PTPRN2: variants seen among roughly 807,000 people sequenced by gnomAD.
The protein encoded by PTPRN2 is protein tyrosine phosphatase receptor type N2.
In PTPRN2, 74 loss-of-function variants were observed where a neutral mutation model predicts 118.8. That is an observed-to-expected ratio of 0.62 (90% CI 0.52 to 0.76). PTPRN2 has a LOEUF of 0.76. Among genes scored for constraint, PTPRN2 ranks in the 30% least tolerant of loss-of-function variants. PTPRN2 has a pLI of 0.00. For synonymous variants in PTPRN2, 641 were observed against 608.0 expected (o/e 1.05, Z -0.80); for missense variants, 1,481 against 1,394.4 (o/e 1.06, Z -0.99).
intron 12 of PTPRN2, among the ~76,000 whole-genome samples, chr7:157,714,180 T>G (rs1563029000): frequency 6.6e-6 from 1 of 152,200 alleles, no homozygotes; most frequent in Admixed American, 6.5e-5. Flanking sequence ...TAGAAGGCTA[T>G]GAAAAATTAA....
At chr7:158,188,154 C>T (rs1825338414) in intron 5 of PTPRN2, among the ~76,000 whole-genome samples, 1 of 151,950 alleles carries the variant, frequency 6.6e-6, no homozygotes, top group Admixed American at 6.6e-5. Flanking sequence ...ACGCTCGCCC[C>T]CTGTACTGGG....
chr7:158,392,241 G>A (rs1811985060), intron 2 of PTPRN2, among the ~76,000 whole-genome samples: 1 of 152,202 alleles, frequency 6.6e-6, no homozygotes, highest in Non-Finnish European at 1.5e-5. Flanking sequence ...TCCCCGAGGA[G>A]GAGAGGGGCT....
chr7:158,226,673 C>CTTT (rs757950532), intron 3 of PTPRN2, among the ~76,000 whole-genome samples: 3 of 106,372 alleles, frequency 2.8e-5, no homozygotes, highest in African/African-American at 4.6e-5. Context: ...CAGCGCTTCC[C>CTTT]TTTTTTTTTT....
At chr7:158,195,723 A>C (rs1826161724) in intron 4 of PTPRN2, among the ~76,000 whole-genome samples, 1 of 151,732 alleles carries the variant, frequency 6.6e-6, no homozygotes, top group Non-Finnish European at 1.5e-5. Flanking sequence ...TCTGCTATTC[A>C]TTCCACCCAT....
chr7:158,358,142 G>A (rs1441318976), intron 2 of PTPRN2, among the ~76,000 whole-genome samples: 1 of 152,258 alleles, frequency 6.6e-6, no homozygotes, highest in Admixed American at 6.5e-5. Context: ...CACCCCTGCA[G>A]GCGGGGACTG....
At chr7:158,569,657 G>T (rs1304637490) in intron 1 of PTPRN2, among the ~76,000 whole-genome samples, 1 of 151,790 alleles carries the variant, frequency 6.6e-6, no homozygotes, top group East Asian at 2.0e-4. Flanking sequence ...CGCGGGGCGC[G>T]AGGCCGCCTA....
rs79736672 is a variant in PTPRN2 at position 158,497,474 on chromosome 7, G to A, written c.113-7689C>T. The stretch of plus-strand genomic sequence containing the variant: ...TCCTTGCCTTGGCCACACTCTCAGC[G>A]CAGGGCATTTCTGGAGGTTGACACA... On this transcript the variant is annotated intron_variant, in intron 1 of 22. Transcript: ENST00000389418. Among the ~76,000 whole-genome samples, 1,112 of 152,040 alleles carry A rather than the reference G, an allele frequency of 7.3e-3. 17 individuals are homozygous for A. The highest frequency in any genetic ancestry group is 0.025 in the African/African-American group (1,052 of 41,486).
chr7:158,253,648 C>T (rs1796833479), intron 3 of PTPRN2, among the ~76,000 whole-genome samples: 1 of 152,214 alleles, frequency 6.6e-6, no homozygotes, highest in Non-Finnish European at 1.5e-5. Flanking sequence ...TGAGAATCTG[C>T]AGAATGCGGC....
chr7:158,406,093 CA>C (rs1352148800), intron 2 of PTPRN2, among the ~76,000 whole-genome samples: 12,389 of 98,100 alleles, frequency 0.13, 4,913 homozygotes, highest in Non-Finnish European at 0.15. Context: ...ATCCATGAGA[CA>C]CGTGGCCGCA....
At chr7:158,396,201 C>A (rs1272300348) in intron 2 of PTPRN2, among the ~76,000 whole-genome samples, 2 of 152,184 alleles carry the variant, frequency 1.3e-5, no homozygotes, top group African/African-American at 4.8e-5. Flanking sequence ...CCAGCCAGGG[C>A]TGGTTTTCTC....
intron 2 of PTPRN2, among the ~76,000 whole-genome samples, chr7:158,368,074 T>G (rs1469474320): frequency 1.3e-5 from 2 of 152,192 alleles, no homozygotes; most frequent in Non-Finnish European, 2.9e-5. Context: ...ACCGAGCATT[T>G]TAATACAAAC....
In PTPRN2 at chr7:158,247,222, C is replaced by T. The variant is rs907861258; in HGVS notation, c.278-41949G>A. ...CCCAGCATGGCCAGGAGCACCGAGG[C>T]GCACGCTGGGCTCTGAGACGCCCCC... On this transcript the variant is annotated intron_variant, in intron 3 of 22. Coordinates refer to ENST00000389418, the MANE Select transcript of PTPRN2 (RefSeq NM_002847.5). 7.9e-5 allele frequency among the ~76,000 whole-genome samples: 12 copies of T among 152,158 alleles called. No homozygotes were observed. The South Asian group carries it at 1.0e-3, about 13-fold the overall frequency.
At chr7:158,332,830 T>A (rs1278541613) in intron 2 of PTPRN2, among the ~76,000 whole-genome samples, 38 of 140,502 alleles carry the variant, frequency 2.7e-4, no homozygotes, top group African/African-American at 1.1e-3. Flanking sequence ...CTTCTCACCA[T>A]AAGAGGTGAC....
rs114668452 is a variant in PTPRN2, at chr7:157,800,570, G to A, written c.1788+98103C>T. Among the ~76,000 whole-genome samples, 1,048 of 152,290 alleles carry A rather than the reference G, an allele frequency of 6.9e-3. 11 individuals are homozygous for A. Among genetic ancestry groups the A allele is most frequent in the African/African-American group, 0.024 (999 of 41,550 alleles). ...GACGTTCTGTGGAAATAGATGTTGT[G>A]TTTTCACCTCTTGTACCTTGTTCAC... is the stretch of plus-strand genomic sequence containing the variant. On this transcript the variant is annotated intron_variant, in intron 12 of 22. Transcript: ENST00000389418.
chr7:157,921,887 CTCA>C (rs1396500039), intron 11 of PTPRN2, among the ~76,000 whole-genome samples: 1 of 152,162 alleles, frequency 6.6e-6, no homozygotes, highest in Non-Finnish European at 1.5e-5. Flanking sequence ...TGAATGTGGG[CTCA>C]TCAACTGTGA....
At position 157,793,820 on chromosome 7, in the gene PTPRN2, A is replaced by G. The variant is rs751582500; in HGVS notation, c.1788+104853T>C. Among the ~76,000 whole-genome samples, 95 of 152,196 alleles carry G rather than the reference A, an allele frequency of 6.2e-4. 2 individuals carry two copies. The highest frequency in any genetic ancestry group is 3.3e-3 in the South Asian group (16 of 4,822). On this transcript the variant is annotated intron_variant, in intron 12 of 22. Transcript: ENST00000389418. Reference sequence around the variant, plus strand: ...GTCCCCTTCTCCTCCCATGGCTTAGAAGCAGTAATCTCCTGACCTCCAGGC... The same window carrying G: ...GTCCCCTTCTCCTCCCATGGCTTAGGAGCAGTAATCTCCTGACCTCCAGGC...
At chr7:157,574,484 G>T in intron 19 of PTPRN2, 1 of 478,842 alleles carries the variant, frequency 2.1e-6, no homozygotes, top group Non-Finnish European at 4.5e-6. Flanking sequence ...GAGCACCATT[G>T]CACACAGCAA....
chr7:158,085,261 CACCCATCCACACAGAT>C (rs1813229517), intron 10 of PTPRN2, among the ~76,000 whole-genome samples: 2 of 134,992 alleles, frequency 1.5e-5, no homozygotes, highest in African/African-American at 2.9e-5. Flanking sequence ...ACACCCATGA[CACCCATCCACACAGAT>C]ACCCATCCAC....
At chr7:158,486,083 C>T (rs1228211913) in intron 2 of PTPRN2, among the ~76,000 whole-genome samples, 1 of 152,240 alleles carries the variant, frequency 6.6e-6, no homozygotes, top group Non-Finnish European at 1.5e-5. Context: ...AACACCACTG[C>T]AGAGAGCAGC....
Sources: allele counts gnomAD v4.1 joint callset (sites outside exome capture counted in the v4.1 genomes callset), GRCh38; gene constraint gnomAD v4.1.1; transcripts MANE v1.5; gene names NCBI Gene and HGNC (gene_info 2026-07-23, HGNC 2026-07-21).